The following WDR72 variants were observed in gnomAD, a reference collection of about 807,000 sequenced individuals.
The protein encoded by WDR72 is WD repeat-containing protein 72.
Under a neutral mutation model 124.2 loss-of-function variants are expected in WDR72, and 120 were observed. The observed-to-expected ratio is 0.97, with a 90% CI of 0.83 to 1.12. The LOEUF (loss-of-function observed/expected upper bound fraction) is 1.12, where lower values mean the gene tolerates loss of function less well. Ranked by LOEUF, WDR72 falls within the 50% of genes most tolerant of loss-of-function variation. The pLI is 0.00. For missense variants in WDR72, 1,387 were observed against 1,278.8 expected (o/e 1.08, Z -1.29); for synonymous variants, 452 against 441.7 (o/e 1.02, Z -0.29).
At chr15:53,568,107 T>C (rs1360580961) in intron 18 of WDR72, among the ~76,000 whole-genome samples, 1 of 150,206 alleles carries the variant, frequency 6.7e-6, no homozygotes, top group East Asian at 1.9e-4. Flanking sequence ...TAAATTCTAC[T>C]AATTTCTAAG....
chr15:53,587,105 C>A (rs1186563340), intron 18 of WDR72, among the ~76,000 whole-genome samples: 1 of 151,976 alleles, frequency 6.6e-6, no homozygotes, highest in Admixed American at 6.6e-5. Context: ...TGCCAGATGG[C>A]CTGCAATGCT....
In WDR72 at chr15:53,515,508, C is replaced by T. The variant is rs1161188230; in HGVS notation, c.*2191G>A. 6.6e-6 allele frequency: 1 copy of T among 152,150 alleles called. No homozygotes were observed. The highest frequency in any genetic ancestry group is 1.5e-5 in the Non-Finnish European group (1 of 68,010). The allele number at this position is 152,150 out of a possible 1,614,324, so 9.4% of individuals were successfully genotyped here. On this transcript the variant is annotated 3_prime_UTR_variant, in exon 20 of 20. Coordinates refer to ENST00000360509, the MANE Select transcript of WDR72 (RefSeq NM_182758.4). ...GCGTATGGATATTAGGAGAGCATTGCTTGAATATCTCTAAAACTATTTTTA... is the reference window on the plus strand; with the variant it reads ...GCGTATGGATATTAGGAGAGCATTGTTTGAATATCTCTAAAACTATTTTTA...
chr15:53,544,799 G>A (rs565760935), intron 18 of WDR72, among the ~76,000 whole-genome samples: 1 of 151,928 alleles, frequency 6.6e-6, no homozygotes, highest in South Asian at 2.1e-4. Flanking sequence ...AAGCTGATAA[G>A]CAACTTCAGC....
At chr15:53,748,039 A>G (rs997321967) in intron 1 of WDR72, among the ~76,000 whole-genome samples, 2 of 151,724 alleles carry the variant, frequency 1.3e-5, no homozygotes, top group African/African-American at 4.8e-5. Context: ...ATTGTCCTAG[A>G]CCATTCTTAA....
intron 1 of WDR72, among the ~76,000 whole-genome samples, chr15:53,741,288 C>G (rs1008247154): frequency 6.6e-6 from 1 of 152,160 alleles, no homozygotes; most frequent in Non-Finnish European, 1.5e-5. Flanking sequence ...AGGTTAAAAA[C>G]CTTTATAGCC....
chr15:53,714,604 T>C, intron 5 of WDR72, 94 bp from the exon 6 acceptor site: 1 of 947,524 alleles, frequency 1.1e-6, no homozygotes, highest in East Asian at 2.5e-5. Context: ...TACGCAGGGC[T>C]GTGTAGATAG....
intron 18 of WDR72, among the ~76,000 whole-genome samples, chr15:53,591,817 T>C (rs1672579948): frequency 6.6e-6 from 1 of 152,062 alleles, no homozygotes; most frequent in African/African-American, 2.4e-5. Flanking sequence ...TTATTGTCTT[T>C]AAACCACGGT....
chr15:53,731,106 C>G lies in WDR72; in HGVS notation c.153+1891G>C, dbSNP rs539741935. 4.8e-4 allele frequency among the ~76,000 whole-genome samples: 73 copies of G among 152,304 alleles called. No homozygotes were observed. The South Asian group carries it at 0.015, about 31-fold the overall frequency. On this transcript the variant is annotated intron_variant, in intron 2 of 19. Transcript: ENST00000360509. ...AATTAACTTTTGCACAATGTCCTCA[C>G]AGTGAATTTCAAAAACACAAAGCTG... is the stretch of plus-strand genomic sequence containing the variant.
At position 53,673,865 on chromosome 15, in the gene WDR72, C is replaced by T. The variant is rs569412629; in HGVS notation, c.1766-8097G>A. 1.1e-4 allele frequency among the ~76,000 whole-genome samples: 16 copies of T among 152,198 alleles called. No homozygotes were observed. In the South Asian group the frequency reaches 3.1e-3, roughly 30 times the overall value. On this transcript the variant is annotated intron_variant, in intron 13 of 19. Coordinates refer to ENST00000360509, the MANE Select transcript of WDR72 (RefSeq NM_182758.4). The stretch of plus-strand genomic sequence containing the variant: ...AATTAGCCAGGCGTGGTGCTGCACA[C>T]CTGTAATCCCAGCTAGTCAGGAGGC...
intron 14 of WDR72, among the ~76,000 whole-genome samples, chr15:53,629,178 A>T (rs561628511): frequency 1.3e-5 from 2 of 148,802 alleles, no homozygotes; most frequent in East Asian, 4.0e-4. Flanking sequence ...ATATCAGCTG[A>T]GGAGAGAGAC....
chr15:53,538,585 CT>C (rs1286491706), intron 18 of WDR72, among the ~76,000 whole-genome samples: 1 of 152,120 alleles, frequency 6.6e-6, no homozygotes, highest in East Asian at 1.9e-4. Context: ...AAAAAATTCT[CT>C]TTTTCTTGAA....
intron 13 of WDR72, among the ~76,000 whole-genome samples, chr15:53,671,365 C>A (rs764229814): frequency 4.6e-5 from 7 of 152,188 alleles, no homozygotes; most frequent in Non-Finnish European, 8.8e-5. Flanking sequence ...ATTCCCCTAT[C>A]TTGTACTGTT....
intron 1 of WDR72, among the ~76,000 whole-genome samples, chr15:53,736,663 A>C (rs1272450043): frequency 1.3e-5 from 2 of 152,146 alleles, no homozygotes; most frequent in Non-Finnish European, 2.9e-5. Context: ...GGATGAGAAA[A>C]GTTGCTGCCT....
chr15:53,592,207 A>G (rs2012542516), intron 18 of WDR72, among the ~76,000 whole-genome samples: 1 of 152,010 alleles, frequency 6.6e-6, no homozygotes, highest in African/African-American at 2.4e-5. Flanking sequence ...TGTGTCCTCC[A>G]TTACTTCTCT....
chr15:53,578,611 A>C (rs1224401159), intron 18 of WDR72, among the ~76,000 whole-genome samples: 4 of 152,140 alleles, frequency 2.6e-5, no homozygotes, highest in African/African-American at 9.7e-5. Flanking sequence ...GTAGGTAGAA[A>C]GAGGCAAAAT....
chr15:53,605,259 T>A (rs192028295), intron 17 of WDR72, among the ~76,000 whole-genome samples: 349 of 152,292 alleles, frequency 2.3e-3, no homozygotes, highest in Non-Finnish European at 4.5e-3. Flanking sequence ...GAATACTGCA[T>A]GTTCTCACTT....
intron 1 of WDR72, among the ~76,000 whole-genome samples, chr15:53,747,357 C>A (rs1213918683): frequency 6.6e-6 from 1 of 152,148 alleles, no homozygotes; most frequent in Non-Finnish European, 1.5e-5. Flanking sequence ...TCGGAATTAA[C>A]CCCTAACCAA....
At chr15:53,646,499 A>G (rs1238688534) in intron 14 of WDR72, among the ~76,000 whole-genome samples, 1 of 152,126 alleles carries the variant, frequency 6.6e-6, no homozygotes, top group Non-Finnish European at 1.5e-5. Context: ...AGTGAGGGAT[A>G]GAAAAAGAAA....
Position 53,555,087 on chromosome 15 carries a change from T to TA in WDR72, c.3149-31766dup, listed in dbSNP as rs1893875786. Among the ~76,000 whole-genome samples, 3 of 152,072 alleles carry TA rather than the reference T, an allele frequency of 2.0e-5. No individual in the cohort carries two copies. In the East Asian group the frequency reaches 5.8e-4, roughly 30 times the overall value. On this transcript the variant is annotated intron_variant, in intron 18 of 19. Transcript: ENST00000360509. ...TTCATTTTGGAGTCAAGGAAACTGA[T>TA]ACGGAGAGATTTAATGATTCATCTG...
Sources: allele counts gnomAD v4.1 joint callset (sites outside exome capture counted in the v4.1 genomes callset), GRCh38; gene constraint gnomAD v4.1.1; transcripts MANE v1.5; gene names NCBI Gene and HGNC (gene_info 2026-07-23, HGNC 2026-07-21).